Variants in PIGR observed in about 807,000 individuals in gnomAD.
The protein encoded by PIGR is hepatocellular carcinoma associated protein TB6.
A neutral mutation model predicts 69.5 loss-of-function variants in PIGR; 22 were observed. The observed-to-expected ratio is 0.32, with a 90% CI of 0.23 to 0.45. The LOEUF (loss-of-function observed/expected upper bound fraction) is 0.45, where lower values mean the gene tolerates loss of function less well. Ranked by LOEUF, PIGR falls within the 20% of genes least tolerant of loss-of-function variation. The pLI is 1.00. For synonymous variants in PIGR, 413 were observed against 407.6 expected (o/e 1.01, Z -0.16); for missense variants, 885 against 974.0 (o/e 0.91, Z 1.22).
intron 1 of PIGR, among the ~76,000 whole-genome samples, chr1:206,942,530 A>G (rs576946616): frequency 6.6e-6 from 1 of 152,364 alleles, no homozygotes; most frequent in South Asian, 2.1e-4. Context: ...CACCAGCAGC[A>G]GCTGTCCTTG....
In PIGR at chr1:206,937,581, A is replaced by G. The variant is rs1679891256; in HGVS notation, c.559T>C (p.Tyr187His). Residue 187 changes from tyrosine to histidine, a missense_variant, in exon 4 of 11, where the codon TAT becomes CAT. By Grantham distance (83) the Tyr-to-His change is moderately conservative (BLOSUM62 2). Coordinates refer to ENST00000356495, the MANE Select transcript of PIGR (RefSeq NM_002644.4). The stretch of plus-strand genomic sequence containing the variant: ...ATATCAAGGCGTATTCTTCCTGTAT[A>G]GTTGGGATTTACATAACCACTGGAG... Reference protein sequence around the residue: ...IDSSGYVNPNYTGRIRLDIQG... With the variant: ...IDSSGYVNPNHTGRIRLDIQG... 1.9e-6 allele frequency: 3 copies of G among 1,614,148 alleles called. No homozygotes were observed. The highest frequency in any genetic ancestry group is 2.5e-6 in the Non-Finnish European group (3 of 1,180,012).
At chr1:206,932,909 C>G in intron 7 of PIGR, 77 bp downstream of exon 7, 1 of 1,462,314 alleles carries the variant, frequency 6.8e-7, no homozygotes, top group African/African-American at 1.4e-5. Context: ...GGCTTTCCTC[C>G]TTGGACCTGG....
intron 1 of PIGR, among the ~76,000 whole-genome samples, chr1:206,945,024 AT>A (rs1680077035): frequency 6.6e-6 from 1 of 152,128 alleles, no homozygotes; most frequent in South Asian, 2.1e-4. Flanking sequence ...GTGTGACCCC[AT>A]TTTTTATCAC....
intron 8 of PIGR, 41 bp downstream of exon 8, chr1:206,932,415 C>A: frequency 1.3e-6 from 2 of 1,578,234 alleles, no homozygotes; most frequent in South Asian, 1.2e-5. Flanking sequence ...ACTGAGGGCT[C>A]GGGTTGGAGG....
In PIGR at chr1:206,937,551, C is replaced by G. The variant is rs769779520; in HGVS notation, c.589G>C (p.Gly197Arg). The G allele has an allele frequency of 1.9e-6, 3 of 1,614,174 alleles. No homozygotes were observed. Among genetic ancestry groups the G allele is most frequent in the Non-Finnish European group, 2.5e-6 (3 of 1,180,020 alleles). ...ACGCTGAACAGTAACTGGCCAGTAC[C>G]CTGAATATCAAGGCGTATTCTTCCT... ...YTGRIRLDIQ[G>R]TGQLLFSVVI... The change falls in exon 4 of 11, where the codon GGT becomes CGT. Residue 197 changes from glycine to arginine, a missense_variant. Transcript: ENST00000356495.
rs1014405319 is a variant in PIGR at position 206,935,619 on chromosome 1, C to G, written c.1245G>C (p.Leu415=). 3.7e-6 allele frequency: 6 copies of G among 1,614,206 alleles called. No individual in the cohort carries two copies. The South Asian group carries it at 6.6e-5, about 18-fold the overall frequency. Residue 415 remains leucine, a synonymous_variant, in exon 5 of 11, where the codon CTG becomes CTC. Coordinates refer to ENST00000356495, the MANE Select transcript of PIGR (RefSeq NM_002644.4). The surrounding 1 kb of genome is among the most constrained non-coding windows in gnomAD (Gnocchi z 4.4). The part of the protein sequence containing the change: ...VKAQYEGRLS[L]LEEPGNGTFT... ...AGGTGCCGTTGCCTGGCTCCTCCAG[C>G]AGGGAGAGGCGGCCCTCGTACTGGG...
chr1:206,942,826 T>C (rs1680014634), intron 1 of PIGR, among the ~76,000 whole-genome samples: 1 of 152,162 alleles, frequency 6.6e-6, no homozygotes, highest in South Asian at 2.1e-4. Context: ...GATGAGAGCA[T>C]CAGGCATGCA....
At chr1:206,939,714 TG>T (rs1315485303) in intron 2 of PIGR, among the ~76,000 whole-genome samples, 4 of 152,210 alleles carry the variant, frequency 2.6e-5, no homozygotes, top group African/African-American at 9.6e-5. Flanking sequence ...TGATAACCCT[TG>T]TTTTTTATTT....
Position 206,935,601 on chromosome 1 carries a change from G to C in PIGR, c.1263C>G (p.Asn421Lys). The C allele has an allele frequency of 6.2e-7, 1 of 1,614,196 alleles. No individual in the cohort carries two copies. Among genetic ancestry groups the C allele is most frequent in the Non-Finnish European group, 8.5e-7 (1 of 1,180,024 alleles). Residue 421 changes from asparagine (N) to lysine (K), a missense_variant, in exon 5 of 11, where the codon AAC becomes AAG. By Grantham distance (94) the Asn-to-Lys change is moderately conservative. Coordinates refer to ENST00000356495, the MANE Select transcript of PIGR (RefSeq NM_002644.4). The surrounding 1 kb of genome is among the most constrained non-coding windows in gnomAD (Gnocchi z 4.4). ...GGTTGAGGATGACAGTGAAGGTGCC[G>C]TTGCCTGGCTCCTCCAGCAGGGAGA... ...GRLSLLEEPG[N>K]GTFTVILNQL...
In PIGR at chr1:206,935,640, C is replaced by G. The variant is rs778891337; in HGVS notation, c.1224G>C (p.Gln408His). ...CCAGCAGGGAGAGGCGGCCCTCGTA[C>G]TGGGCCTTAACCCACCCCTCGCTGT... ...LVDSEGWVKA[Q>H]YEGRLSLLEE... is the part of the protein sequence containing the mutation. Residue 408 changes from glutamine (Q) to histidine (H), a missense_variant, in exon 5 of 11, where the codon CAG becomes CAC. Coordinates refer to ENST00000356495, the MANE Select transcript of PIGR (RefSeq NM_002644.4). The surrounding 1 kb of genome is among the most constrained non-coding windows in gnomAD (Gnocchi z 4.4). The G allele has an allele frequency of 6.2e-7, 1 of 1,614,034 alleles. No individual in the cohort carries two copies.
Position 206,934,402 on chromosome 1 carries a change from C to G in PIGR, c.1705+18G>C. On this transcript the variant is annotated intron_variant, in intron 6 of 10. Coordinates refer to ENST00000356495, the MANE Select transcript of PIGR (RefSeq NM_002644.4). The stretch of plus-strand genomic sequence containing the variant: ...CCTCTGGGTCTGAGGGGTGCAGGCC[C>G]TGTCCTTGGAGACTCACCCGCTGCC... 1 of 1,606,102 alleles carries G rather than the reference C, an allele frequency of 6.2e-7. No individual in the cohort carries two copies. The highest frequency in any genetic ancestry group is 8.5e-7 in the Non-Finnish European group (1 of 1,175,246).
chr1:206,944,651 C>T (rs1441860881), intron 1 of PIGR, among the ~76,000 whole-genome samples: 3 of 152,208 alleles, frequency 2.0e-5, no homozygotes, highest in Non-Finnish European at 4.4e-5. Context: ...TTCCACTCCA[C>T]CATACTGTGT....
intron 7 of PIGR, among the ~76,000 whole-genome samples, 174 bp downstream of exon 7, chr1:206,932,812 C>T (rs957217084): frequency 1.3e-5 from 2 of 152,186 alleles, no homozygotes; most frequent in Non-Finnish European, 2.9e-5. Flanking sequence ...CCTCCCCAGC[C>T]ATGGGAGAAG....
At chr1:206,946,118 G>C (rs1420971845) in intron 1 of PIGR, among the ~76,000 whole-genome samples, 3 of 152,132 alleles carry the variant, frequency 2.0e-5, no homozygotes. Flanking sequence ...TCTCAGAAAA[G>C]GATGGGGGGC....
chr1:206,930,902 C>A lies in PIGR; in HGVS notation c.2200-489G>T. 3 of 985,414 alleles carry A rather than the reference C, an allele frequency of 3.0e-6. No individual in the cohort carries two copies. The highest frequency in any genetic ancestry group is 3.6e-6 in the Non-Finnish European group (3 of 829,904). 61.0% of individuals were successfully genotyped at this position (985,414 alleles called of 1,614,324 possible). A position where few individuals can be genotyped will look rare whatever the true frequency, so the allele number is the denominator to read the frequency against. On this transcript the variant is annotated intron_variant, in intron 10 of 10. Transcript: ENST00000356495. This position sits in a 1 kb window ranked among gnomAD's most constrained non-coding sequence, Gnocchi z 4.3. ...ATGATAAAAACAACAACAACAACAACAAAAACTCTCACCTCGGGATTAAAG... is the reference window on the plus strand; with the variant it reads ...ATGATAAAAACAACAACAACAACAAAAAAAACTCTCACCTCGGGATTAAAG...
In PIGR at chr1:206,934,471, A is replaced by T. The variant is rs779064145; in HGVS notation, c.1654T>A (p.Tyr552Asn). Residue 552 changes from tyrosine to asparagine, a missense_variant, in exon 6 of 11, where the codon TAT (tyrosine) becomes AAT (asparagine). Transcript: ENST00000356495. ...YWCGVKQGHF[Y>N]GETAAVYVAV... Reference sequence around the variant, plus strand: ...ACATAGACGGCTGCAGTCTCTCCATAGAAGTGGCCCTGCTTCACTCCACAC... The same window carrying T: ...ACATAGACGGCTGCAGTCTCTCCATTGAAGTGGCCCTGCTTCACTCCACAC... 1 of 1,614,144 alleles carries T rather than the reference A, an allele frequency of 6.2e-7. No individual in the cohort carries two copies. The highest frequency in any genetic ancestry group is 8.5e-7 in the Non-Finnish European group (1 of 1,180,044).
chr1:206,938,356 T>G (rs1572646292), intron 3 of PIGR, among the ~76,000 whole-genome samples: 1 of 152,352 alleles, frequency 6.6e-6, no homozygotes, highest in African/African-American at 2.4e-5. Context: ...CTAAAGATTC[T>G]GTGGTTTTGA....
chr1:206,936,963 T>G, intron 4 of PIGR, 132 bp downstream of exon 4: 6 of 877,856 alleles, frequency 6.8e-6, no homozygotes, highest in Non-Finnish European at 8.3e-6. Context: ...CAGCCTCCAG[T>G]TCGGGGCTGG....
In PIGR at chr1:206,935,822, G is replaced by A. The variant is rs6695632; in HGVS notation, c.1046-4C>T. On this transcript the variant is annotated splice_region_variant and splice_polypyrimidine_tract_variant and intron_variant, in intron 4 of 10. Transcript: ENST00000356495. This position sits in a 1 kb window ranked among gnomAD's most constrained non-coding sequence, Gnocchi z 4.4. ...GGGCTGCGGGGAATCGTGGACTCTG[G>A]AAGCACAGACAGAGATGGGATGGGA... 660,151 of 1,582,638 alleles carry A rather than the reference G, an allele frequency of 0.42. 143,473 individuals carry two copies. Among genetic ancestry groups the A allele is most frequent in the Middle Eastern group, 0.5 (2,944 of 5,870 alleles).
Sources: gnomAD v4.1 joint callset for allele counts (sites outside exome capture counted in the v4.1 genomes callset) on GRCh38, gnomAD v4.1.1 for gene constraint, Gnocchi (gnomAD v3.1) non-coding constraint, MANE v1.5 for transcripts, NCBI Gene and HGNC (gene_info 2026-07-23, HGNC 2026-07-21) for gene names.